The following PTPRD variants were observed in gnomAD, a reference collection of about 807,000 sequenced individuals.
PTPRD encodes the protein protein tyrosine phosphatase receptor type D, also known as receptor-type tyrosine-protein phosphatase delta.
PTPRD carries 34 observed loss-of-function variants against 214.5 expected under a neutral mutation model. The observed-to-expected ratio is 0.16, with a 90% CI of 0.12 to 0.21. PTPRD has a LOEUF of 0.21. PTPRD is among the 10% of genes least tolerant of loss of function. The probability of loss-of-function intolerance (pLI) is 1.00; values close to 1 mark genes in which losing one functional copy is unlikely to be tolerated. For missense variants in PTPRD, 2,545 were observed against 2,398.7 expected (o/e 1.06, Z -1.27); for synonymous variants, 1,128 against 845.7 (o/e 1.33, Z -5.79).
chr9:9,926,252 G>T (rs753097596), intron 5 of PTPRD, among the ~76,000 whole-genome samples: 4 of 152,100 alleles, frequency 2.6e-5, no homozygotes, highest in African/African-American at 4.8e-5. Context: ...AATATTTTTT[G>T]AGAATAACTG....
intron 12 of PTPRD, among the ~76,000 whole-genome samples, chr9:8,721,270 T>G (rs954615130): frequency 3.3e-5 from 5 of 151,544 alleles, no homozygotes; most frequent in African/African-American, 1.2e-4. Context: ...TCCCTACTAA[T>G]AATGCAAAAA....
At chr9:9,063,463 A>G (rs1331080320) in intron 10 of PTPRD, among the ~76,000 whole-genome samples, 1 of 152,204 alleles carries the variant, frequency 6.6e-6, no homozygotes, top group African/African-American at 2.4e-5. Flanking sequence ...CCCTTATCCT[A>G]TCAAAGCTTG....
intron 5 of PTPRD, among the ~76,000 whole-genome samples, chr9:9,812,844 G>A (rs550257668): frequency 6.6e-6 from 1 of 152,050 alleles, no homozygotes; most frequent in Non-Finnish European, 1.5e-5. Flanking sequence ...CTTCTCAAGT[G>A]TACGCAGAAT....
chr9:9,141,715 G>C (rs934685137), intron 10 of PTPRD, among the ~76,000 whole-genome samples: 2 of 149,796 alleles, frequency 1.3e-5, no homozygotes, highest in Non-Finnish European at 3.0e-5. Flanking sequence ...TATATTATCT[G>C]GTATATACCT....
At chr9:10,417,517 T>C (rs1275701172) in intron 2 of PTPRD, among the ~76,000 whole-genome samples, 1 of 151,918 alleles carries the variant, frequency 6.6e-6, no homozygotes, top group Non-Finnish European at 1.5e-5. Context: ...CAAGTTATTA[T>C]GATTTGCACA....
chr9:9,976,817 C>G (rs1439251917), intron 4 of PTPRD, among the ~76,000 whole-genome samples: 1 of 151,138 alleles, frequency 6.6e-6, no homozygotes, highest in African/African-American at 2.4e-5. Context: ...AGACAGTTCA[C>G]TCCTGAGTTG....
rs34572407 is a variant in PTPRD at position 8,836,587 on chromosome 9, CTTTTTTT to C, written c.-103-102648_-103-102642del. Among the ~76,000 whole-genome samples, 5 of 66,800 alleles carry C rather than the reference CTTTTTTT, an allele frequency of 7.5e-5. No homozygotes were observed. The East Asian group carries it at 1.4e-3, about 19-fold the overall frequency. 43.8% of individuals were successfully genotyped at this position (66,800 alleles called of 152,430 possible). ...TTAAGTTCAGAGTATTAATAAAAAC[CTTTTTTT>C]TTTTTTTTTTTTTTTTTTTTTAAGA... On this transcript the variant is annotated intron_variant, in intron 11 of 45. Coordinates refer to ENST00000381196, the MANE Select transcript of PTPRD (RefSeq NM_002839.4).
chr9:9,693,314 A>G (rs2097308657), intron 7 of PTPRD, among the ~76,000 whole-genome samples: 1 of 152,002 alleles, frequency 6.6e-6, no homozygotes, highest in Non-Finnish European at 1.5e-5. Flanking sequence ...TTTCCCGCAT[A>G]ATGTTCTCAT....
chr9:9,397,567 C>G (rs780877599), intron 8 of PTPRD, 85 bp from the exon 9 acceptor site: 1 of 152,202 alleles, frequency 6.6e-6, no homozygotes, highest in Non-Finnish European at 1.5e-5. Context: ...ATGTTATGGA[C>G]ATATCTATAG....
intron 5 of PTPRD, among the ~76,000 whole-genome samples, chr9:9,931,531 C>T (rs1436537442): frequency 6.6e-6 from 1 of 152,202 alleles, no homozygotes; most frequent in Non-Finnish European, 1.5e-5. Context: ...GCTTAAAAAA[C>T]AGTGCACCAG....
In PTPRD at chr9:10,306,284, G is replaced by A. The variant is rs750610485; in HGVS notation, c.-545+34679C>T. Among the ~76,000 whole-genome samples the A allele has an allele frequency of 2.6e-5, 4 of 151,438 alleles. No individual in the cohort carries two copies. The South Asian group carries it at 8.3e-4, about 32-fold the overall frequency. ...CTGGGGCCTGTCGTGGGGTGGGGGG[G>A]GCTAGGGGAGGGATAGCATTAGGAG... is the stretch of plus-strand genomic sequence containing the variant. On this transcript the variant is annotated intron_variant, in intron 3 of 45. Transcript: ENST00000381196.
At chr9:9,068,977 T>C (rs1336068174) in intron 10 of PTPRD, among the ~76,000 whole-genome samples, 1 of 152,158 alleles carries the variant, frequency 6.6e-6, no homozygotes, top group Non-Finnish European at 1.5e-5. Flanking sequence ...TAGGCAAATA[T>C]CTTCATTGTC....
chr9:9,227,036 T>A (rs1267839478), intron 9 of PTPRD, among the ~76,000 whole-genome samples: 1 of 152,082 alleles, frequency 6.6e-6, no homozygotes, highest in Non-Finnish European at 1.5e-5. Context: ...AAGTGCATTA[T>A]CATAATTTCT....
At chr9:9,272,271 T>A (rs562685907) in intron 9 of PTPRD, among the ~76,000 whole-genome samples, 1 of 151,390 alleles carries the variant, frequency 6.6e-6, no homozygotes, top group South Asian at 2.1e-4. Context: ...GAGATTGATA[T>A]GCAGGCACAC....
At chr9:8,902,805 T>A (rs1416070137) in intron 11 of PTPRD, among the ~76,000 whole-genome samples, 2 of 152,234 alleles carry the variant, frequency 1.3e-5, no homozygotes, top group Non-Finnish European at 2.9e-5. Flanking sequence ...ATTTGAATTT[T>A]CAAAATGCCA....
chr9:9,454,079 C>T (rs937148963), intron 8 of PTPRD, among the ~76,000 whole-genome samples: 1 of 150,616 alleles, frequency 6.6e-6, no homozygotes, highest in Non-Finnish European at 1.5e-5. Context: ...CAGATTCTTA[C>T]AGAAAAAAAA....
At chr9:9,075,052 A>G (rs909109168) in intron 10 of PTPRD, among the ~76,000 whole-genome samples, 2 of 152,068 alleles carry the variant, frequency 1.3e-5, no homozygotes, top group Non-Finnish European at 2.9e-5. Context: ...AGAAAACAAA[A>G]ATTCCCTACA....
intron 9 of PTPRD, among the ~76,000 whole-genome samples, chr9:9,190,977 G>T (rs2099934768): frequency 6.6e-6 from 1 of 152,064 alleles, no homozygotes; most frequent in African/African-American, 2.4e-5. Context: ...CTTCAAAAAT[G>T]GATCTTGAAG....
At chr9:8,546,620 T>C (rs2080243538) in intron 14 of PTPRD, among the ~76,000 whole-genome samples, 1 of 152,062 alleles carries the variant, frequency 6.6e-6, no homozygotes, top group South Asian at 2.1e-4. Context: ...TGCCTTGGTC[T>C]CCCCAGTAGA....
Sources: gnomAD v4.1 joint callset for allele counts (sites outside exome capture counted in the v4.1 genomes callset) on GRCh38, gnomAD v4.1.1 for gene constraint, MANE v1.5 for transcripts, NCBI Gene and HGNC (gene_info 2026-07-23, HGNC 2026-07-21) for gene names.